Variants in XXYLT1 observed in about 807,000 individuals in gnomAD.
XXYLT1 encodes the protein UDP-xylose:alpha-xyloside alpha-1,3-xylosyltransferase.
XXYLT1 carries 20 observed loss-of-function variants against 28.9 expected under a neutral mutation model. The observed-to-expected ratio is 0.69, with a 90% CI of 0.49 to 1.00. The LOEUF is 1.00. Ranked by LOEUF, XXYLT1 falls within the 50% of genes least tolerant of loss-of-function variation. XXYLT1 has a pLI of 0.00. For missense variants in XXYLT1, 542 were observed against 560.1 expected (o/e 0.97, Z 0.33); for synonymous variants, 257 against 253.8 (o/e 1.01, Z -0.12).
rs568088947 is a variant in XXYLT1 at position 195,121,978 on chromosome 3, A to G, written c.785+34471T>C. Reference sequence around the variant, plus strand: ...TGTCTTAGTTCAAGCTATTATAACAAAGTACCACAGACTGGGTGCCCATAA... The same window carrying G: ...TGTCTTAGTTCAAGCTATTATAACAGAGTACCACAGACTGGGTGCCCATAA... On this transcript the variant is annotated intron_variant, in intron 3 of 3. Transcript: ENST00000310380. 2.1e-4 allele frequency: 148 copies of G among 699,570 alleles called. 2 individuals carry two copies. In the African/African-American group the frequency reaches 2.5e-3, roughly 12 times the overall value. 43.3% of individuals were successfully genotyped at this position (699,570 alleles called of 1,614,324 possible).
chr3:195,151,553 A>T (rs553167050), intron 3 of XXYLT1, among the ~76,000 whole-genome samples: 7 of 152,250 alleles, frequency 4.6e-5, no homozygotes, highest in Admixed American at 2.6e-4. Context: ...AATTAAAAAA[A>T]TTTAAATTTC....
rs1418253151 is a variant in XXYLT1 at position 195,180,697 on chromosome 3, C to T, written c.653-24116G>A. On this transcript the variant is annotated intron_variant, in intron 2 of 3. Transcript: ENST00000310380. This position sits in a 1 kb window ranked among gnomAD's most constrained non-coding sequence, Gnocchi z 5.8. ...AACATGGGTCTGACAGCTCTGGACACACACAAGCAGACGGGAAAGGCGCCT... is the reference window on the plus strand; with the variant it reads ...AACATGGGTCTGACAGCTCTGGACATACACAAGCAGACGGGAAAGGCGCCT... 1.3e-5 allele frequency among the ~76,000 whole-genome samples: 2 copies of T among 152,162 alleles called. No homozygotes were observed. Among genetic ancestry groups the T allele is most frequent in the Admixed American group, 6.5e-5 (1 of 15,280 alleles).
At chr3:195,175,757 C>T in intron 2 of XXYLT1, 1 of 1,527,138 alleles carries the variant, frequency 6.5e-7, no homozygotes, top group South Asian at 1.2e-5. Context: ...TGCAGGGCCT[C>T]AGCCACTGCT....
Position 195,202,768 on chromosome 3 carries a change from GGAA to G in XXYLT1, c.652+23938_652+23940del, listed in dbSNP as rs576165845. ...CAGAGATAGCCACTTAGGTCATCTT[GGAA>G]GAAGAATTATTTTAGATAAATTCAG... On this transcript the variant is annotated intron_variant, in intron 2 of 3. Transcript: ENST00000310380. Among the ~76,000 whole-genome samples, 472 of 152,298 alleles carry G rather than the reference GGAA, an allele frequency of 3.1e-3. 1 individual carries two copies. Among genetic ancestry groups the G allele is most frequent in the Non-Finnish European group, 5.4e-3 (367 of 68,022 alleles).
At chr3:195,194,436 G>A (rs1226770268) in intron 2 of XXYLT1, among the ~76,000 whole-genome samples, 1 of 152,006 alleles carries the variant, frequency 6.6e-6, no homozygotes, top group Admixed American at 6.6e-5. Context: ...GAGAAGTTGT[G>A]GAAAAACTGG....
chr3:195,085,496 C>A (rs1266076438), intron 3 of XXYLT1, among the ~76,000 whole-genome samples: 4 of 152,200 alleles, frequency 2.6e-5, no homozygotes, highest in Non-Finnish European at 5.9e-5. Context: ...CCAGAGACCG[C>A]GGTGGGAGGG....
intron 3 of XXYLT1, among the ~76,000 whole-genome samples, chr3:195,151,494 C>A (rs1421940568): frequency 6.6e-6 from 1 of 151,918 alleles, no homozygotes; most frequent in Non-Finnish European, 1.5e-5. Context: ...TGTGCCACTG[C>A]ACTCCAGCCT....
chr3:195,195,159 G>A lies in XXYLT1; in HGVS notation c.652+31550C>T, dbSNP rs759261876. Among the ~76,000 whole-genome samples the A allele has an allele frequency of 1.3e-5, 2 of 152,076 alleles. No homozygotes were observed. Among genetic ancestry groups the A allele is most frequent in the Non-Finnish European group, 2.9e-5 (2 of 68,016 alleles). On this transcript the variant is annotated intron_variant, in intron 2 of 3. Coordinates refer to ENST00000310380, the MANE Select transcript of XXYLT1 (RefSeq NM_152531.5). This position sits in a 1 kb window ranked among gnomAD's most constrained non-coding sequence, Gnocchi z 4.4. ...AGCTGTTACTACAATGGTTGTTGAC[G>A]TTAAATGCTATGGAGGGCCACTGAG...
chr3:195,179,570 C>A (rs6804638), intron 2 of XXYLT1, among the ~76,000 whole-genome samples: 3,190 of 152,108 alleles, frequency 0.021, 112 homozygotes, highest in African/African-American at 0.074. Flanking sequence ...GCTGAAGAGG[C>A]CTGCGTGTGT....
At chr3:195,244,361 G>A (rs546959908) in intron 1 of XXYLT1, among the ~76,000 whole-genome samples, 1 of 152,330 alleles carries the variant, frequency 6.6e-6, no homozygotes, top group African/African-American at 2.4e-5. Flanking sequence ...TTTGCTGCAC[G>A]CACACATGGC....
chr3:195,226,059 G>C (rs1724034812), intron 2 of XXYLT1, among the ~76,000 whole-genome samples: 1 of 152,156 alleles, frequency 6.6e-6, no homozygotes, highest in African/African-American at 2.4e-5. Flanking sequence ...AACCCATTAA[G>C]GATCACTGTA....
intron 3 of XXYLT1, among the ~76,000 whole-genome samples, chr3:195,104,198 CGT>C (rs59361512): frequency 0.081 from 11,458 of 141,438 alleles, 484 homozygotes; most frequent in East Asian, 0.17. Context: ...ATGAGGGCTC[CGT>C]GTGTGTGTGT....
rs1721529577 is a variant in XXYLT1 at position 195,173,816 on chromosome 3, T to C, written c.653-17235A>G. ...AGAGCACCCAGCTCCCACCAGGGAG[T>C]CCCTCCTATGGGCCATGAGTGGCAA... On this transcript the variant is annotated intron_variant, in intron 2 of 3. Transcript: ENST00000310380. This position sits in a 1 kb window ranked among gnomAD's most constrained non-coding sequence, Gnocchi z 4.3. 6.6e-6 allele frequency among the ~76,000 whole-genome samples: 1 copy of C among 151,940 alleles called. No individual in the cohort carries two copies. Among genetic ancestry groups the C allele is most frequent in the African/African-American group, 2.4e-5 (1 of 41,344 alleles).
chr3:195,086,733 G>T (rs949099020), intron 3 of XXYLT1, among the ~76,000 whole-genome samples: 3 of 152,226 alleles, frequency 2.0e-5, no homozygotes, highest in Admixed American at 6.5e-5. Context: ...GTGATGGGGG[G>T]GAGGGTGGCA....
chr3:195,114,378 CA>C (rs1717936312), intron 3 of XXYLT1, among the ~76,000 whole-genome samples: 1 of 152,202 alleles, frequency 6.6e-6, no homozygotes, highest in Admixed American at 6.5e-5. Context: ...AGACACGGAG[CA>C]TCACCTTCCA....
chr3:195,194,033 C>T (rs551420782), intron 2 of XXYLT1, among the ~76,000 whole-genome samples: 2 of 151,854 alleles, frequency 1.3e-5, no homozygotes, highest in South Asian at 4.1e-4. Flanking sequence ...AAAGCCCTAT[C>T]CATACAATAA....
chr3:195,204,403 G>A (rs1269239011), intron 2 of XXYLT1, among the ~76,000 whole-genome samples: 1 of 151,908 alleles, frequency 6.6e-6, no homozygotes, highest in Non-Finnish European at 1.5e-5. Flanking sequence ...AAGCTGGCAT[G>A]GGTCTGTGGC....
intron 3 of XXYLT1, among the ~76,000 whole-genome samples, chr3:195,139,465 A>G (rs905245350): frequency 6.6e-6 from 1 of 152,180 alleles, no homozygotes; most frequent in African/African-American, 2.4e-5. Context: ...CACATTTGGC[A>G]AAGGTACCTC....
chr3:195,261,149 C>T (rs189984090), intron 1 of XXYLT1, among the ~76,000 whole-genome samples: 2 of 152,248 alleles, frequency 1.3e-5, no homozygotes, highest in Admixed American at 1.3e-4. Context: ...AAGGCCTGAA[C>T]AGGCCGGGCG....
Sources: allele counts gnomAD v4.1 joint callset (sites outside exome capture counted in the v4.1 genomes callset), GRCh38; gene constraint gnomAD v4.1.1; non-coding constraint Gnocchi (gnomAD v3.1); transcripts MANE v1.5; gene names NCBI Gene and HGNC (gene_info 2026-07-23, HGNC 2026-07-21).